COL14A1: variants seen among roughly 807,000 people sequenced by gnomAD.
COL14A1 encodes collagen type XIV alpha 1 chain, also known as collagen alpha-1(XIV) chain.
COL14A1 carries 136 observed loss-of-function variants against 230.3 expected under a neutral mutation model. The observed-to-expected ratio is 0.59, with a 90% CI of 0.51 to 0.68. The LOEUF (loss-of-function observed/expected upper bound fraction) is 0.68. Ranked by LOEUF, COL14A1 falls within the 30% of genes least tolerant of loss-of-function variation. The pLI, the probability that COL14A1 is intolerant of heterozygous loss-of-function variation, is 0.00. For synonymous variants in COL14A1, 792 were observed against 784.1 expected (o/e 1.01, Z -0.17); for missense variants, 1,976 against 2,215.8 (o/e 0.89, Z 2.17).
chr8:120,219,300 T>C (rs1400238561), intron 14 of COL14A1, among the ~76,000 whole-genome samples: 1 of 152,066 alleles, frequency 6.6e-6, no homozygotes, highest in Non-Finnish European at 1.5e-5. Context: ...GACGAGGTTT[T>C]GCCATGTGGC....
intron 1 of COL14A1, among the ~76,000 whole-genome samples, chr8:120,127,153 G>C (rs1271847788): frequency 6.6e-6 from 1 of 152,192 alleles, no homozygotes; most frequent in Non-Finnish European, 1.5e-5. Context: ...CATATAAATG[G>C]AAGAATACAA....
At chr8:120,178,872 A>G (rs930816745) in intron 5 of COL14A1, among the ~76,000 whole-genome samples, 1 of 151,290 alleles carries the variant, frequency 6.6e-6, no homozygotes, top group Non-Finnish European at 1.5e-5. Flanking sequence ...GCATAAATAT[A>G]TTCTTTTCAA....
intron 21 of COL14A1, among the ~76,000 whole-genome samples, chr8:120,250,336 A>G (rs1818897261): frequency 1.3e-5 from 2 of 152,234 alleles, no homozygotes; most frequent in African/African-American, 4.8e-5. Flanking sequence ...AACATAGTAC[A>G]TAACAATATA....
intron 5 of COL14A1, among the ~76,000 whole-genome samples, chr8:120,196,388 G>C (rs776715967): frequency 6.6e-6 from 1 of 152,176 alleles, no homozygotes; most frequent in Non-Finnish European, 1.5e-5. Flanking sequence ...TATCAGGATA[G>C]GAGAGCCGTC....
Position 120,372,705 on chromosome 8 carries a change from G to T in COL14A1, c.*1474G>T, listed in dbSNP as rs1812197449. On this transcript the variant is annotated 3_prime_UTR_variant, in exon 48 of 48. Transcript: ENST00000297848. ...CTTTCTGTCCTTCTCATAATCTCCT[G>T]ATCTTTGGAGATGAAAGATCTCCTT... 6.6e-6 allele frequency among the ~76,000 whole-genome samples: 1 copy of T among 151,378 alleles called. No individual in the cohort carries two copies. The highest frequency in any genetic ancestry group is 2.1e-4 in the South Asian group (1 of 4,752).
chr8:120,240,300 C>T (rs747106253), intron 19 of COL14A1, among the ~76,000 whole-genome samples: 14 of 151,990 alleles, frequency 9.2e-5, no homozygotes, highest in Non-Finnish European at 1.5e-4. Flanking sequence ...ACTTGATTTA[C>T]AGGTGCCCTC....
chr8:120,229,419 T>C (rs1818196872), intron 18 of COL14A1, among the ~76,000 whole-genome samples: 2 of 152,006 alleles, frequency 1.3e-5, no homozygotes, highest in African/African-American at 2.4e-5. Context: ...ATTTCATCCA[T>C]GTCCCTACAA....
chr8:120,255,255 C>A lies in COL14A1; in HGVS notation c.2768C>A (p.Thr923Asn), dbSNP rs1819107113. Residue 923 changes from threonine to asparagine, a missense_variant, in exon 23 of 48, where the codon ACC becomes AAC. Physicochemically the swap from Thr to Asn is moderately conservative, Grantham distance 65 (BLOSUM62 0). Around this residue, in one of 3 missense-constraint regions of COL14A1, gnomAD observed 1,791 missense variants for 2,019.5 expected, o/e 0.89. Coordinates refer to ENST00000297848, the MANE Select transcript of COL14A1 (RefSeq NM_021110.4). ...GMVKTLFLGV[T>N]NLQAKHVEMT... ...TTCATTCCAGTGTTCTTGGGTGTTA[C>A]CAATCTCCAAGCCAAACATGTTGAA... 1.2e-6 allele frequency: 2 copies of A among 1,613,780 alleles called. No individual in the cohort carries two copies. The highest frequency in any genetic ancestry group is 3.3e-5 in the Admixed American group (2 of 60,008).
chr8:120,265,225 A>G (rs1265409271), intron 24 of COL14A1, among the ~76,000 whole-genome samples: 1 of 152,100 alleles, frequency 6.6e-6, no homozygotes, highest in Non-Finnish European at 1.5e-5. Flanking sequence ...TCTGGCTGCC[A>G]TACTCTCTTA....
intron 18 of COL14A1, 29 bp from the exon 19 acceptor site, chr8:120,231,438 T>G (rs201477295): frequency 1.9e-6 from 3 of 1,607,054 alleles, no homozygotes; most frequent in African/African-American, 2.7e-5. Context: ...TGTTAAAAGT[T>G]TTTTAATCCT....
At chr8:120,133,219 C>CA (rs1195089013) in intron 1 of COL14A1, among the ~76,000 whole-genome samples, 64 of 81,378 alleles carry the variant, frequency 7.9e-4, no homozygotes, top group Admixed American at 1.8e-3. Flanking sequence ...CCGTCTCAAA[C>CA]AAAAAAAAAA....
intron 26 of COL14A1, among the ~76,000 whole-genome samples, chr8:120,276,872 AGAG>A (rs1819871404): frequency 6.6e-6 from 1 of 152,178 alleles, no homozygotes; most frequent in African/African-American, 2.4e-5. Flanking sequence ...TTATTAAAAA[AGAG>A]GAGAATAGGT....
At chr8:120,250,342 A>G (rs1361100094) in intron 21 of COL14A1, among the ~76,000 whole-genome samples, 1 of 152,250 alleles carries the variant, frequency 6.6e-6, no homozygotes, top group Non-Finnish European at 1.5e-5. Flanking sequence ...GTACATAACA[A>G]TATAGCAGAT....
In COL14A1 at chr8:120,199,575, T is replaced by C. The variant is rs775371742; in HGVS notation, c.877+9T>C. ...AGAACTGTTTGCCATAGGTATGTGC[T>C]CTTTATAGTCTTGTTTCAACTAAGG... is the stretch of plus-strand genomic sequence containing the variant. On this transcript the variant is annotated intron_variant, in intron 8 of 47. Transcript: ENST00000297848. 5 of 1,605,092 alleles carry C rather than the reference T, an allele frequency of 3.1e-6. No homozygotes were observed. The South Asian group carries it at 3.4e-5, about 11-fold the overall frequency.
chr8:120,162,956 C>T (rs978216317), intron 4 of COL14A1, among the ~76,000 whole-genome samples: 2 of 152,198 alleles, frequency 1.3e-5, no homozygotes, highest in Admixed American at 1.3e-4. Flanking sequence ...TTTGCAAAGA[C>T]TGTAACTCAA....
intron 42 of COL14A1, among the ~76,000 whole-genome samples, chr8:120,339,273 G>A (rs563097371): frequency 6.6e-6 from 1 of 152,308 alleles, no homozygotes; most frequent in South Asian, 2.1e-4. Flanking sequence ...TTACAGGCGT[G>A]AGCCACCGCG....
Position 120,255,318 on chromosome 8 carries a change from A to T in COL14A1, c.2831A>T (p.His944Leu). 6.2e-7 allele frequency: 1 copy of T among 1,614,128 alleles called. No homozygotes were observed. The highest frequency in any genetic ancestry group is 8.5e-7 in the Non-Finnish European group (1 of 1,179,968). The change falls in exon 23 of 48, where the codon CAT (histidine) becomes CTT (leucine). Residue 944 changes from histidine to leucine, a missense_variant. Around this residue, in one of 3 missense-constraint regions of COL14A1, gnomAD observed 1,791 missense variants for 2,019.5 expected, o/e 0.89. Coordinates refer to ENST00000297848, the MANE Select transcript of COL14A1 (RefSeq NM_021110.4). ...SLCAHWQVHR[H>L]ATAYRVVIES... The stretch of plus-strand genomic sequence containing the variant: ...TGTGCCCACTGGCAGGTACATCGCC[A>T]TGCCACAGCCTATAGGGTTGTTATA...
chr8:120,202,702 A>G (rs1817289489), intron 8 of COL14A1, among the ~76,000 whole-genome samples: 1 of 152,024 alleles, frequency 6.6e-6, no homozygotes, highest in African/African-American at 2.4e-5. Flanking sequence ...AGGTGTTATT[A>G]TATGGAAAAC....
intron 4 of COL14A1, among the ~76,000 whole-genome samples, chr8:120,164,743 T>C (rs1815807157): frequency 6.6e-6 from 1 of 152,242 alleles, no homozygotes; most frequent in South Asian, 2.1e-4. Context: ...GCCTTCTGTC[T>C]CATTTTACTG....
Sources: gnomAD v4.1 joint callset for allele counts (sites outside exome capture counted in the v4.1 genomes callset) on GRCh38, gnomAD v4.1.1 for gene constraint, gnomAD v4.1.1 regional missense constraint, MANE v1.5 for transcripts, NCBI Gene and HGNC (gene_info 2026-07-23, HGNC 2026-07-21) for gene names.